Variants in KTN1 observed in about 807,000 individuals in gnomAD.
KTN1 encodes the protein kinectin.
Under a neutral mutation model 222.5 loss-of-function variants are expected in KTN1, and 130 were observed. That is an observed-to-expected ratio of 0.58 (90% CI 0.51 to 0.68). The LOEUF is 0.68. Among genes scored for constraint, KTN1 ranks in the 30% least tolerant of loss-of-function variants. The pLI is 0.00. For synonymous variants in KTN1, 512 were observed against 496.3 expected (o/e 1.03, Z -0.42); for missense variants, 1,508 against 1,500.4 (o/e 1.01, Z -0.08).
At chr14:55,617,759 A>G (rs963664264) in intron 3 of KTN1, among the ~76,000 whole-genome samples, 1 of 152,198 alleles carries the variant, frequency 6.6e-6, no homozygotes, top group African/African-American at 2.4e-5. Context: ...TAAATGATTT[A>G]CTATAAAATA....
At chr14:55,614,247 G>T (rs748141132) in intron 2 of KTN1, among the ~76,000 whole-genome samples, 5 of 152,170 alleles carry the variant, frequency 3.3e-5, no homozygotes, top group African/African-American at 7.2e-5. Context: ...GTTTTAGAAA[G>T]ATTTTTTTGG....
chr14:55,650,008 C>CAA (rs543381605), intron 22 of KTN1, among the ~76,000 whole-genome samples, 195 bp downstream of exon 22: 1 of 143,058 alleles, frequency 7.0e-6, no homozygotes, highest in Non-Finnish European at 1.5e-5. Context: ...AAAAAAAAAA[C>CAA]AAAAAAAAAC....
chr14:55,649,482 T>G (rs989426304), intron 21 of KTN1, among the ~76,000 whole-genome samples: 1 of 152,216 alleles, frequency 6.6e-6, no homozygotes, highest in South Asian at 2.1e-4. Flanking sequence ...CGCCTGAAAT[T>G]AGGCAGTTTC....
Position 55,650,549 on chromosome 14 carries a change from T to C in KTN1, c.2497-20T>C, listed in dbSNP as rs749314369. 6.3e-7 allele frequency: 1 copy of C among 1,592,988 alleles called. No homozygotes were observed. The highest frequency in any genetic ancestry group is 8.6e-7 in the Non-Finnish European group (1 of 1,161,972). Reference sequence around the variant, plus strand: ...TCTGTGTTTCCATTGTCCAATCTTGTCTGTTTTGTCATTGTCAAGGATTTG... The same window carrying C: ...TCTGTGTTTCCATTGTCCAATCTTGCCTGTTTTGTCATTGTCAAGGATTTG... On this transcript the variant is annotated intron_variant, in intron 23 of 43. Coordinates refer to ENST00000395314, the MANE Select transcript of KTN1 (RefSeq NM_001079521.2).
chr14:55,641,684 TC>T lies in KTN1; in HGVS notation c.2104-7del. On this transcript the variant is annotated splice_region_variant and splice_polypyrimidine_tract_variant and intron_variant, in intron 17 of 43. Transcript: ENST00000395314. ...AATAAAACAGTAAATTGAGACTCTT[TC>T]TTCCAGATTCTAAATGACCAAAACA... 6.4e-7 allele frequency: 1 copy of T among 1,558,144 alleles called. No individual in the cohort carries two copies. The highest frequency in any genetic ancestry group is 8.9e-7 in the Non-Finnish European group (1 of 1,129,552).
In KTN1 at chr14:55,641,573, C is replaced by G. The variant is rs1401400390; in HGVS notation, c.2104-119C>G. The G allele has an allele frequency of 3.2e-5, 24 of 743,070 alleles. No individual in the cohort carries two copies. In the South Asian group the frequency reaches 3.4e-4, roughly 11 times the overall value. The allele number at this position is 743,070 out of a possible 1,614,324, so 46.0% of individuals were successfully genotyped here. The stretch of plus-strand genomic sequence containing the variant: ...TTGAATTATGTCAGTGTATAATTCA[C>G]CTGTCACTTTGAGGACTGAAAGCTG... On this transcript the variant is annotated intron_variant, in intron 17 of 43. Coordinates refer to ENST00000395314, the MANE Select transcript of KTN1 (RefSeq NM_001079521.2).
chr14:55,621,126 G>A (rs1023432876), intron 5 of KTN1, among the ~76,000 whole-genome samples: 4 of 152,144 alleles, frequency 2.6e-5, no homozygotes, highest in Admixed American at 6.5e-5. Flanking sequence ...AACATAGCAA[G>A]AGTCGCCTTT....
intron 1 of KTN1, among the ~76,000 whole-genome samples, chr14:55,593,322 A>T (rs1011009497): frequency 6.6e-6 from 1 of 152,062 alleles, no homozygotes; most frequent in Admixed American, 6.6e-5. Context: ...GTTTTGGATT[A>T]AAAAAACTGG....
chr14:55,654,489 G>C (rs1459006599), intron 28 of KTN1, among the ~76,000 whole-genome samples: 1 of 151,394 alleles, frequency 6.6e-6, no homozygotes, highest in African/African-American at 2.4e-5. Context: ...TTATAGTAGA[G>C]ATATGTAGAC....
intron 11 of KTN1, 106 bp from the exon 12 acceptor site, chr14:55,637,668 TAAAAA>T: frequency 6.4e-6 from 4 of 628,302 alleles, no homozygotes; most frequent in Non-Finnish European, 1.0e-5. Context: ...AAGAATGCCT[TAAAAA>T]AAAAAAAGAA....
intron 40 of KTN1, chr14:55,675,156 A>C (rs923737772): frequency 6.6e-6 from 1 of 152,250 alleles, no homozygotes; most frequent in African/African-American, 2.4e-5. Flanking sequence ...TATGAGAATA[A>C]GAAGAAAGTT....
chr14:55,616,788 T>G (rs1394654810), intron 3 of KTN1, 134 bp downstream of exon 3: 13 of 634,604 alleles, frequency 2.0e-5, no homozygotes, highest in Non-Finnish European at 3.4e-5. Flanking sequence ...CTAATGCAGG[T>G]CTAAAATTAT....
chr14:55,672,843 T>C (rs183893565), intron 38 of KTN1, 86 bp from the exon 39 acceptor site: 3 of 1,139,754 alleles, frequency 2.6e-6, no homozygotes, highest in Non-Finnish European at 3.9e-6. Context: ...AGTTTTATAT[T>C]CATAAGTGTC....
chr14:55,583,040 C>T (rs2032086142), intron 1 of KTN1, among the ~76,000 whole-genome samples: 1 of 152,122 alleles, frequency 6.6e-6, no homozygotes, highest in Non-Finnish European at 1.5e-5. Context: ...AATTTATTTT[C>T]AAATCACTGG....
At chr14:55,663,837 A>G in intron 32 of KTN1, 118 bp from the exon 33 acceptor site, 2 of 632,174 alleles carry the variant, frequency 3.2e-6, no homozygotes, top group Non-Finnish European at 5.5e-6. Context: ...ATATTTTCCC[A>G]TTGAAATAAT....
chr14:55,638,968 G>T (rs2041452807), intron 12 of KTN1, among the ~76,000 whole-genome samples: 1 of 151,730 alleles, frequency 6.6e-6, no homozygotes, highest in Non-Finnish European at 1.5e-5. Context: ...TATTCTAAAT[G>T]TCTTGTGATA....
intron 42 of KTN1, 95 bp downstream of exon 42, chr14:55,678,539 T>C: frequency 1.3e-6 from 1 of 752,152 alleles, no homozygotes; most frequent in East Asian, 2.5e-5. Context: ...GAAAGTCATC[T>C]TTCTTGAAAA....
intron 35 of KTN1, 128 bp from the exon 36 acceptor site, chr14:55,671,438 A>G (rs531419748): frequency 1.6e-6 from 1 of 630,570 alleles, no homozygotes; most frequent in South Asian, 2.2e-5. Flanking sequence ...AAAGGTTGAA[A>G]TGTAGTGTTT....
At chr14:55,612,789 A>G (rs2037776670) in intron 2 of KTN1, among the ~76,000 whole-genome samples, 1 of 152,092 alleles carries the variant, frequency 6.6e-6, no homozygotes, top group South Asian at 2.1e-4. Context: ...GCAGTGGCTC[A>G]TGCCTGTAAT....
Sources: allele counts gnomAD v4.1 joint callset (sites outside exome capture counted in the v4.1 genomes callset), GRCh38; gene constraint gnomAD v4.1.1; transcripts MANE v1.5; gene names NCBI Gene and HGNC (gene_info 2026-07-23, HGNC 2026-07-21).